LRRC4C: variants seen among roughly 807,000 people sequenced by gnomAD.
LRRC4C encodes the protein leucine-rich repeat-containing protein 4C.
A neutral mutation model predicts 33.6 loss-of-function variants in LRRC4C; 5 were observed. The ratio of observed to expected loss-of-function variants is 0.15; its 90% CI spans 0.08 to 0.31. The LOEUF is 0.31. LRRC4C is among the 10% of genes least tolerant of loss of function. The pLI, the probability that LRRC4C is intolerant of heterozygous loss-of-function variation, is 1.00. For missense variants in LRRC4C, 560 were observed against 796.7 expected (o/e 0.70, Z 3.58); for synonymous variants, 329 against 302.0 (o/e 1.09, Z -0.93).
chr11:41,059,210 G>GTTTTTTTTGTTT (rs1555056809), intron 1 of LRRC4C, among the ~76,000 whole-genome samples: 14 of 125,196 alleles, frequency 1.1e-4, no homozygotes, highest in South Asian at 7.7e-4. Context: ...TAAAATAAAA[G>GTTTTTTTTGTTT]TTTTTTTTTT....
At chr11:40,477,257 A>C (rs1953284535) in intron 3 of LRRC4C, among the ~76,000 whole-genome samples, 1 of 152,148 alleles carries the variant, frequency 6.6e-6, no homozygotes, top group Admixed American at 6.5e-5. Context: ...GAAGAGTGCC[A>C]CCCACTTTTA....
intron 1 of LRRC4C, among the ~76,000 whole-genome samples, chr11:41,061,435 G>T (rs551569449): frequency 8.8e-6 from 1 of 113,696 alleles, no homozygotes. Flanking sequence ...AAATATACTA[G>T]GTCAGATAAT....
chr11:40,235,889 G>T (rs1865517711), intron 5 of LRRC4C, among the ~76,000 whole-genome samples: 1 of 151,852 alleles, frequency 6.6e-6, no homozygotes, highest in African/African-American at 2.4e-5. Flanking sequence ...ATTATTATTT[G>T]TATTCTTATT....
At position 40,425,412 on chromosome 11, in the gene LRRC4C, G is replaced by A. The variant is rs529593219; in HGVS notation, c.-269-105691C>T. Among the ~76,000 whole-genome samples the A allele has an allele frequency of 2.0e-5, 3 of 152,316 alleles. 1 individual carries two copies. The South Asian group carries it at 6.2e-4, about 32-fold the overall frequency. On this transcript the variant is annotated intron_variant, in intron 3 of 6. Coordinates refer to ENST00000528697, the MANE Select transcript of LRRC4C (RefSeq NM_001258419.2). Reference sequence around the variant, plus strand: ...GATGAGGTATTTTTGATGACTGGAGGAAATTTTGTTTGCGTCCTTGCTGTT... The same window carrying A: ...GATGAGGTATTTTTGATGACTGGAGAAAATTTTGTTTGCGTCCTTGCTGTT...
intron 1 of LRRC4C, among the ~76,000 whole-genome samples, chr11:41,065,486 T>A (rs1938160525): frequency 6.6e-6 from 1 of 152,124 alleles, no homozygotes; most frequent in Non-Finnish European, 1.5e-5. Context: ...GTGAACTTAA[T>A]CTTTCCTGCC....
intron 2 of LRRC4C, among the ~76,000 whole-genome samples, chr11:40,865,436 A>G (rs1256937506): frequency 2.0e-5 from 3 of 151,886 alleles, no homozygotes; most frequent in African/African-American, 2.4e-5. Context: ...AATGTTAAGT[A>G]TTCTCACCAC....
rs868166145 is a variant in LRRC4C at position 40,219,609 on chromosome 11, A to G, written c.-96+21910T>C. ...CATGACAGGGATGAATCTGGAGGAC[A>G]TTATGCTCAGTGAAATAAGCCAGAC... On this transcript the variant is annotated intron_variant, in intron 5 of 6. Coordinates refer to ENST00000528697, the MANE Select transcript of LRRC4C (RefSeq NM_001258419.2). Among the ~76,000 whole-genome samples, 17 of 152,286 alleles carry G rather than the reference A, an allele frequency of 1.1e-4. No individual in the cohort carries two copies. In the South Asian group the frequency reaches 1.7e-3, roughly 15 times the overall value.
At chr11:40,687,585 T>C (rs1339224323) in intron 2 of LRRC4C, among the ~76,000 whole-genome samples, 1 of 152,134 alleles carries the variant, frequency 6.6e-6, no homozygotes, top group East Asian at 1.9e-4. Context: ...ACACTAATTT[T>C]ACTAAAGAAA....
rs1955708349 is a variant in LRRC4C, at chr11:40,891,565, T to G, written c.-407+42070A>C. Reference sequence around the variant, plus strand: ...CCAAATAACTCTACAGGAAAAAATCTAATAATCTGATTAAAAACTGGGCAG... The same window carrying G: ...CCAAATAACTCTACAGGAAAAAATCGAATAATCTGATTAAAAACTGGGCAG... On this transcript the variant is annotated intron_variant, in intron 2 of 6. Coordinates refer to ENST00000528697, the MANE Select transcript of LRRC4C (RefSeq NM_001258419.2). Among the ~76,000 whole-genome samples the G allele has an allele frequency of 1.3e-5, 2 of 152,124 alleles. 1 individual carries two copies. Among genetic ancestry groups the G allele is most frequent in the South Asian group, 4.1e-4 (2 of 4,830 alleles).
At chr11:41,275,051 G>C (rs1949440458) in intron 1 of LRRC4C, among the ~76,000 whole-genome samples, 1 of 152,052 alleles carries the variant, frequency 6.6e-6, no homozygotes, top group African/African-American at 2.4e-5. Context: ...AGATAGGGTT[G>C]TTTAAAGAGC....
At chr11:40,336,287 C>G (rs573485388) in intron 3 of LRRC4C, among the ~76,000 whole-genome samples, 1 of 152,228 alleles carries the variant, frequency 6.6e-6, no homozygotes, top group Non-Finnish European at 1.5e-5. Flanking sequence ...GATGTTTGTC[C>G]ATAGAACTGA....
chr11:41,050,683 G>A (rs188068772), intron 1 of LRRC4C, among the ~76,000 whole-genome samples: 149 of 152,182 alleles, frequency 9.8e-4, no homozygotes, highest in African/African-American at 3.5e-3. Flanking sequence ...TTTTTATCCA[G>A]TCTATCACTG....
chr11:41,070,019 A>G (rs1938558533), intron 1 of LRRC4C, among the ~76,000 whole-genome samples: 2 of 152,180 alleles, frequency 1.3e-5, no homozygotes, highest in Non-Finnish European at 2.9e-5. Context: ...TTCAAACTAC[A>G]CTAAAAGGCT....
chr11:40,669,814 T>C (rs1442042393), intron 2 of LRRC4C, among the ~76,000 whole-genome samples: 1 of 152,248 alleles, frequency 6.6e-6, no homozygotes, highest in African/African-American at 2.4e-5. Flanking sequence ...CTCTGCTGGC[T>C]AAAGCCACCT....
intron 3 of LRRC4C, chr11:40,445,423 G>C (rs1236145420): frequency 6.5e-6 from 1 of 154,566 alleles, no homozygotes; most frequent in Non-Finnish European, 1.5e-5. Flanking sequence ...GATGTTCATA[G>C]GTTTTTACTC....
At chr11:41,176,095 G>C (rs937316251) in intron 1 of LRRC4C, among the ~76,000 whole-genome samples, 8 of 152,018 alleles carry the variant, frequency 5.3e-5, no homozygotes, top group African/African-American at 1.9e-4. Context: ...AGTCATTATA[G>C]CAGTGACTGC....
chr11:40,566,836 C>A (rs1446700716), intron 3 of LRRC4C, among the ~76,000 whole-genome samples: 1 of 152,068 alleles, frequency 6.6e-6, no homozygotes, highest in Non-Finnish European at 1.5e-5. Flanking sequence ...AACCTAATTT[C>A]TTTAAATAAG....
At chr11:40,469,540 C>A (rs1228906995) in intron 3 of LRRC4C, among the ~76,000 whole-genome samples, 1 of 152,096 alleles carries the variant, frequency 6.6e-6, no homozygotes, top group Non-Finnish European at 1.5e-5. Flanking sequence ...GAACTGTTCA[C>A]TCCCCTGGAA....
chr11:40,321,658 A>C (rs1945854933), intron 3 of LRRC4C, among the ~76,000 whole-genome samples: 1 of 152,166 alleles, frequency 6.6e-6, no homozygotes, highest in South Asian at 2.1e-4. Flanking sequence ...ACAAAGCTTG[A>C]TGGCTACTTC....
Sources: gnomAD v4.1 joint callset for allele counts (sites outside exome capture counted in the v4.1 genomes callset) on GRCh38, gnomAD v4.1.1 for gene constraint, MANE v1.5 for transcripts, NCBI Gene and HGNC (gene_info 2026-07-23, HGNC 2026-07-21) for gene names.